The following FBXL17 variants were observed in gnomAD, a reference collection of about 807,000 sequenced individuals.
FBXL17 encodes the protein F-box and leucine rich repeat protein 17, also known as F-box/LRR-repeat protein 17.
FBXL17 carries 22 observed loss-of-function variants against 66.2 expected under a neutral mutation model. That is an observed-to-expected ratio of 0.33 (90% confidence interval 0.24 to 0.47). FBXL17 has a LOEUF of 0.47. FBXL17 is among the 20% of genes least tolerant of loss of function. FBXL17 has a pLI of 1.00. For missense variants in FBXL17, 878 were observed against 948.2 expected, an observed-to-expected ratio of 0.93 and a Z score of 0.97; for synonymous variants, 474 against 400.5, an observed-to-expected ratio of 1.18 and a Z score of -2.19.
At chr5:108,137,400 G>A (rs914678354) in intron 6 of FBXL17, among the ~76,000 whole-genome samples, 1 of 152,014 alleles carries the variant, frequency 6.6e-6, no homozygotes, top group Non-Finnish European at 1.5e-5. Flanking sequence ...CTGCCTCTAC[G>A]TCATGGCATG....
intron 6 of FBXL17, among the ~76,000 whole-genome samples, chr5:108,073,771 C>T (rs988599507): frequency 3.8e-4 from 57 of 151,976 alleles, no homozygotes; most frequent in Admixed American, 9.2e-4. Flanking sequence ...CCTGGCACTT[C>T]CTCCCTCTCT....
At chr5:108,340,026 G>A (rs968533993) in intron 4 of FBXL17, among the ~76,000 whole-genome samples, 1 of 151,742 alleles carries the variant, frequency 6.6e-6, no homozygotes, top group Non-Finnish European at 1.5e-5. Flanking sequence ...ATACGACACT[G>A]GCACACAGGG....
intron 8 of FBXL17, chr5:107,880,504 G>A (rs955041387): frequency 9.0e-6 from 9 of 999,282 alleles, no homozygotes; most frequent in African/African-American, 7.0e-5. Flanking sequence ...CTTATCATGT[G>A]CTGGGAGTGG....
rs1273263905 is a variant in FBXL17, at chr5:108,175,826, C to A, written c.1745+10291G>T. ...TAAAATATTTCTATATGCCACTGTT[C>A]ATAAAATATTTTAGGCTGAAGCAAA... On this transcript the variant is annotated intron_variant, in intron 6 of 8. Coordinates refer to ENST00000542267, the MANE Select transcript of FBXL17 (RefSeq NM_001163315.3). Among the ~76,000 whole-genome samples the A allele has an allele frequency of 2.6e-5, 4 of 152,316 alleles. No homozygotes were observed. In the East Asian group the frequency reaches 7.7e-4, roughly 29 times the overall value.
intron 6 of FBXL17, among the ~76,000 whole-genome samples, chr5:108,085,124 TTACA>T (rs1376313523): frequency 6.6e-6 from 1 of 152,258 alleles, no homozygotes; most frequent in Non-Finnish European, 1.5e-5. Flanking sequence ...CAAATTTTGA[TTACA>T]TAGTCTTGCA....
intron 6 of FBXL17, among the ~76,000 whole-genome samples, chr5:108,144,607 G>A (rs1237638306): frequency 1.3e-5 from 2 of 152,102 alleles, no homozygotes; most frequent in African/African-American, 2.4e-5. Context: ...GTCAACTGCT[G>A]TAGGCAAAAA....
At chr5:108,295,478 G>A (rs932062699) in intron 4 of FBXL17, among the ~76,000 whole-genome samples, 2 of 151,904 alleles carry the variant, frequency 1.3e-5, no homozygotes, top group African/African-American at 4.8e-5. Flanking sequence ...AGGAGACAAA[G>A]TAGAGGAGCT....
intron 7 of FBXL17, among the ~76,000 whole-genome samples, chr5:108,019,718 G>T (rs563910016): frequency 1.3e-5 from 2 of 151,328 alleles, no homozygotes; most frequent in South Asian, 2.1e-4. Context: ...AACTCTTTAG[G>T]GTCTAGACAA....
intron 4 of FBXL17, among the ~76,000 whole-genome samples, chr5:108,243,686 T>C (rs931842715): frequency 6.6e-6 from 1 of 152,184 alleles, no homozygotes. Context: ...AATAAGATAT[T>C]TAAATTAACA....
intron 6 of FBXL17, among the ~76,000 whole-genome samples, chr5:108,111,873 T>C (rs1285372148): frequency 6.6e-6 from 1 of 152,190 alleles, no homozygotes; most frequent in African/African-American, 2.4e-5. Flanking sequence ...GAGAACCCAG[T>C]ATATAGATCA....
chr5:107,895,753 G>C (rs574789469), intron 7 of FBXL17, among the ~76,000 whole-genome samples: 27 of 152,270 alleles, frequency 1.8e-4, no homozygotes, highest in South Asian at 1.0e-3. Context: ...ATGGGGAAGT[G>C]ATTAATGAGC....
chr5:108,019,948 A>G (rs1754525838), intron 7 of FBXL17, among the ~76,000 whole-genome samples: 1 of 147,672 alleles, frequency 6.8e-6, no homozygotes, highest in Non-Finnish European at 1.5e-5. Flanking sequence ...AAATTAGATT[A>G]TTTTTAAAAT....
intron 4 of FBXL17, among the ~76,000 whole-genome samples, chr5:108,245,915 T>C (rs1270841923): frequency 6.6e-6 from 1 of 152,212 alleles, no homozygotes; most frequent in Non-Finnish European, 1.5e-5. Context: ...AGTTAACATA[T>C]GTAAGTAGCA....
At chr5:107,952,975 C>T (rs1751545136) in intron 7 of FBXL17, among the ~76,000 whole-genome samples, 1 of 152,182 alleles carries the variant, frequency 6.6e-6, no homozygotes, top group Non-Finnish European at 1.5e-5. Flanking sequence ...CCAAATATTC[C>T]TCCCCTCTCA....
intron 8 of FBXL17, among the ~76,000 whole-genome samples, chr5:107,865,975 A>G (rs1267398095): frequency 6.6e-6 from 1 of 152,220 alleles, no homozygotes; most frequent in East Asian, 1.9e-4. Context: ...CTACATGCAC[A>G]TTCCTGCAGA....
intron 6 of FBXL17, among the ~76,000 whole-genome samples, chr5:108,026,683 G>A (rs563950686): frequency 6.6e-6 from 1 of 152,284 alleles, no homozygotes; most frequent in African/African-American, 2.4e-5. Context: ...CACTCATTAA[G>A]TTCTCACTAC....
intron 8 of FBXL17, among the ~76,000 whole-genome samples, chr5:107,877,806 T>C (rs529380832): frequency 1.3e-5 from 2 of 152,160 alleles, no homozygotes; most frequent in South Asian, 4.2e-4. Flanking sequence ...GCAGATTTGG[T>C]TAAGGTAGGG....
At chr5:107,913,169 G>T (rs1005635389) in intron 7 of FBXL17, among the ~76,000 whole-genome samples, 3 of 151,922 alleles carry the variant, frequency 2.0e-5, no homozygotes, top group Non-Finnish European at 4.4e-5. Flanking sequence ...TCATGGGGAG[G>T]GTAGAAGGAG....
At chr5:108,057,443 T>A (rs1250839759) in intron 6 of FBXL17, among the ~76,000 whole-genome samples, 1 of 152,150 alleles carries the variant, frequency 6.6e-6, no homozygotes, top group Non-Finnish European at 1.5e-5. Flanking sequence ...CAAAAACACA[T>A]TTTTCACATC....
Sources: gnomAD v4.1 joint callset for allele counts (sites outside exome capture counted in the v4.1 genomes callset) on GRCh38, gnomAD v4.1.1 for gene constraint, MANE v1.5 for transcripts, NCBI Gene and HGNC (gene_info 2026-07-23, HGNC 2026-07-21) for gene names.